AOPEP: variants seen among roughly 807,000 people sequenced by gnomAD.
AOPEP encodes the protein aminopeptidase O.
In AOPEP, 77 loss-of-function variants were observed where a neutral mutation model predicts 98.1. The observed-to-expected ratio is 0.78, with a 90% CI of 0.65 to 0.95. AOPEP has a LOEUF of 0.95. Among genes scored for constraint, AOPEP ranks in the 40% least tolerant of loss-of-function variants. The probability of loss-of-function intolerance (pLI) is 0.00; values close to 1 mark genes in which losing one functional copy is unlikely to be tolerated. For synonymous variants in AOPEP, 346 were observed against 365.3 expected, an observed-to-expected ratio of 0.95 and a Z score of 0.60; for missense variants, 1,024 against 1,024.7, an observed-to-expected ratio of 1.00 and a Z score of 0.01.
chr9:95,058,868 A>G lies in AOPEP; in HGVS notation c.2116-1826A>G, dbSNP rs149612243. Among the ~76,000 whole-genome samples, 382 of 152,226 alleles carry G rather than the reference A, an allele frequency of 2.5e-3. 1 individual carries two copies. Among genetic ancestry groups the G allele is most frequent in the African/African-American group, 8.7e-3 (361 of 41,536 alleles). Reference sequence around the variant, plus strand: ...AAGGCCCAGCCTCCTGCAGGAAAGCACCTCTCTCGGAACATCACAGGAGGC... The same window carrying G: ...AAGGCCCAGCCTCCTGCAGGAAAGCGCCTCTCTCGGAACATCACAGGAGGC... On this transcript the variant is annotated intron_variant, in intron 13 of 16. Coordinates refer to ENST00000375315, the MANE Select transcript of AOPEP (RefSeq NM_001193329.3).
intron 5 of AOPEP, among the ~76,000 whole-genome samples, chr9:94,849,336 A>G (rs2043243240): frequency 1.3e-5 from 2 of 152,228 alleles, no homozygotes; most frequent in African/African-American, 4.8e-5. Flanking sequence ...TATGTAAGGC[A>G]TTTAAAGCAG....
intron 9 of AOPEP, among the ~76,000 whole-genome samples, chr9:94,967,012 A>G (rs1386665024): frequency 1.3e-5 from 2 of 152,206 alleles, no homozygotes; most frequent in African/African-American, 2.4e-5. Context: ...TTGGTTCTAT[A>G]TAACACAGGA....
chr9:95,147,058 T>C, the AOPEP span, among the ~76,000 whole-genome samples: 83 of 150,454 alleles, frequency 5.5e-4, no homozygotes, highest in Middle Eastern at 3.5e-3. Context: ...ATTTTACTTA[T>C]ATATTTTAAT....
In AOPEP at chr9:94,806,997, G is replaced by A. The variant is rs114958431; in HGVS notation, c.1364+5995G>A. Among the ~76,000 whole-genome samples, 443 of 152,338 alleles carry A rather than the reference G, an allele frequency of 2.9e-3. 1 individual carries two copies. Among genetic ancestry groups the A allele is most frequent in the Middle Eastern group, 0.01 (3 of 294 alleles). ...ACTTAGGCAAGGCTGATGTGTAACTGTTTCTAAGGCAGTGAGTGCTTGATT... is the reference window on the plus strand; with the variant it reads ...ACTTAGGCAAGGCTGATGTGTAACTATTTCTAAGGCAGTGAGTGCTTGATT... On this transcript the variant is annotated intron_variant, in intron 5 of 16. Transcript: ENST00000375315.
Position 94,773,250 on chromosome 9 carries a change from T to A in AOPEP, c.964+82T>A, listed in dbSNP as rs1841292187. On this transcript the variant is annotated intron_variant, in intron 3 of 16. Transcript: ENST00000375315. ...CCCAATAAACAGTATTTTTCTAAAC[T>A]TTAAAGAGCTCCTTTATTAGTTGGG... The A allele has an allele frequency of 1.5e-5, 19 of 1,226,344 alleles. No homozygotes were observed. The South Asian group carries it at 3.0e-4, about 19-fold the overall frequency. The allele number at this position is 1,226,344 out of a possible 1,614,324, so 76.0% of individuals were successfully genotyped here.
At chr9:94,928,193 C>T (rs2054668290) in intron 6 of AOPEP, among the ~76,000 whole-genome samples, 1 of 152,110 alleles carries the variant, frequency 6.6e-6, no homozygotes, top group Non-Finnish European at 1.5e-5. Context: ...AAGGCGACCT[C>T]CGCCAAACAG....
At chr9:94,854,290 G>A (rs1246760295) in intron 5 of AOPEP, among the ~76,000 whole-genome samples, 1 of 152,134 alleles carries the variant, frequency 6.6e-6, no homozygotes, top group East Asian at 1.9e-4. Context: ...TGAAGAAAAT[G>A]GGCAGCAAGT....
intron 5 of AOPEP, among the ~76,000 whole-genome samples, chr9:94,807,623 A>G (rs189715288): frequency 6.6e-6 from 1 of 152,284 alleles, no homozygotes; most frequent in East Asian, 1.9e-4. Context: ...CCGAAGCATC[A>G]TTACTGAATA....
the AOPEP span, among the ~76,000 whole-genome samples, chr9:95,143,236 C>T: frequency 6.6e-6 from 1 of 152,330 alleles, no homozygotes; most frequent in South Asian, 2.1e-4. Flanking sequence ...CTTCCAGGCC[C>T]TCTCCAGGCA....
At chr9:95,041,446 G>GTGTGGGTGTGTGTGT (rs200579150) in intron 13 of AOPEP, among the ~76,000 whole-genome samples, 1 of 142,012 alleles carries the variant, frequency 7.0e-6, no homozygotes, top group African/African-American at 2.6e-5. Context: ...AGTCCTTGGG[G>GTGTGGGTGTGTGTGT]GTGTGTGTGT....
intron 5 of AOPEP, among the ~76,000 whole-genome samples, chr9:94,820,219 T>C (rs1307932598): frequency 8.5e-5 from 13 of 152,184 alleles, no homozygotes. Context: ...GTGCTGGGAT[T>C]ACAGGTGTGA....
At chr9:95,092,650 G>A in the AOPEP span, among the ~76,000 whole-genome samples, 3 of 152,204 alleles carry the variant, frequency 2.0e-5, no homozygotes, top group African/African-American at 4.8e-5. Context: ...AAGCGCAGCC[G>A]AGGAGGTGCT....
chr9:95,118,791 G>A, the AOPEP span, among the ~76,000 whole-genome samples: 1 of 152,176 alleles, frequency 6.6e-6, no homozygotes, highest in Non-Finnish European at 1.5e-5. Context: ...GTATGAATAT[G>A]CCATAGTCTG....
At chr9:94,976,777 C>G (rs567627078) in intron 10 of AOPEP, among the ~76,000 whole-genome samples, 3 of 152,076 alleles carry the variant, frequency 2.0e-5, no homozygotes, top group African/African-American at 7.2e-5. Flanking sequence ...AGCCATTCTC[C>G]CACCTCAGCC....
At chr9:94,966,651 A>G (rs1358971890) in intron 9 of AOPEP, among the ~76,000 whole-genome samples, 1 of 152,232 alleles carries the variant, frequency 6.6e-6, no homozygotes, top group Non-Finnish European at 1.5e-5. Flanking sequence ...TTAAATCTTC[A>G]GATGAGGAAA....
chr9:94,817,716 T>C (rs1852023218), intron 5 of AOPEP, among the ~76,000 whole-genome samples: 1 of 152,164 alleles, frequency 6.6e-6, no homozygotes, highest in Non-Finnish European at 1.5e-5. Context: ...CCAAGGACCT[T>C]GAAGGGGCCC....
intron 6 of AOPEP, among the ~76,000 whole-genome samples, chr9:94,927,564 T>C (rs1289915444): frequency 2.0e-5 from 3 of 152,180 alleles, no homozygotes; most frequent in African/African-American, 7.2e-5. Context: ...TGAGGATCAG[T>C]GCTGTCACCA....
chr9:95,023,507 C>T (rs551061453), intron 13 of AOPEP, among the ~76,000 whole-genome samples: 1 of 152,336 alleles, frequency 6.6e-6, no homozygotes, highest in South Asian at 2.1e-4. Context: ...TTGGAAGTTT[C>T]CAGTCGGCTC....
At chr9:94,769,673 C>T (rs1840414904) in intron 2 of AOPEP, among the ~76,000 whole-genome samples, 1 of 152,084 alleles carries the variant, frequency 6.6e-6, no homozygotes, top group African/African-American at 2.4e-5. Context: ...TAGACTTTAG[C>T]AGAAAAGATA....
Sources: gnomAD v4.1 joint callset for allele counts (sites outside exome capture counted in the v4.1 genomes callset) on GRCh38, gnomAD v4.1.1 for gene constraint, MANE v1.5 for transcripts, NCBI Gene and HGNC (gene_info 2026-07-23, HGNC 2026-07-21) for gene names.